Variants in TAF4B observed in about 807,000 individuals in gnomAD.
TAF4B encodes TATA-box binding protein associated factor 4b.
In TAF4B, 38 loss-of-function variants were observed where a neutral mutation model predicts 86.4. The ratio of observed to expected loss-of-function variants is 0.44; its 90% CI spans 0.34 to 0.58. The LOEUF is 0.58. Ranked by LOEUF, TAF4B falls within the 20% of genes least tolerant of loss-of-function variation. The pLI is 0.02. For synonymous variants in TAF4B, 388 were observed against 391.2 expected (o/e 0.99, Z 0.10); for missense variants, 988 against 1,027.6 (o/e 0.96, Z 0.53).
rs1224775371 is a variant in TAF4B at position 26,391,092 on chromosome 18, G to C, written c.*1080G>C. The stretch of plus-strand genomic sequence containing the variant: ...TTTTTAACAATAGGACTTTATGTTG[G>C]ATTCTGTACTTAAAAGGTACTGTCA... On this transcript the variant is annotated 3_prime_UTR_variant, in exon 15 of 15. Transcript: ENST00000269142. 1 of 151,910 alleles carries C rather than the reference G, an allele frequency of 6.6e-6. No homozygotes were observed. The highest frequency in any genetic ancestry group is 2.4e-5 in the African/African-American group (1 of 41,340). The allele number at this position is 151,910 out of a possible 1,614,324, so 9.4% of individuals were successfully genotyped here.
At chr18:26,312,725 C>A (rs145571970) in intron 9 of TAF4B, among the ~76,000 whole-genome samples, 52 of 152,180 alleles carry the variant, frequency 3.4e-4, no homozygotes, top group Non-Finnish European at 6.6e-4. Context: ...GTGTACCTGG[C>A]GCACATCTTA....
rs1226024028 is a variant in TAF4B at position 26,243,540 on chromosome 18, C to A, written c.343+16264C>A. ...TGGGTTCAAACATCCTCCTTTAGCT[C>A]AGAGAAGTGTGTTATTACTGGTCGT... On this transcript the variant is annotated intron_variant, in intron 1 of 14. Transcript: ENST00000269142. Among the ~76,000 whole-genome samples the A allele has an allele frequency of 3.9e-5, 6 of 152,284 alleles. No individual in the cohort carries two copies. The East Asian group carries it at 1.2e-3, about 29-fold the overall frequency.
At chr18:26,282,446 A>G (rs1450042822) in intron 6 of TAF4B, among the ~76,000 whole-genome samples, 5 of 152,260 alleles carry the variant, frequency 3.3e-5, no homozygotes, top group Admixed American at 6.5e-5. Context: ...ATACTTTATT[A>G]GGTATACAAT....
chr18:26,291,428 A>T (rs570328942), intron 7 of TAF4B, among the ~76,000 whole-genome samples: 179 of 151,990 alleles, frequency 1.2e-3, no homozygotes, highest in African/African-American at 4.1e-3. Context: ...CCCCGCTGGG[A>T]TTACGGCTGG....
chr18:26,307,842 G>A (rs1568143344), intron 9 of TAF4B, among the ~76,000 whole-genome samples: 3 of 152,138 alleles, frequency 2.0e-5, no homozygotes, highest in Non-Finnish European at 1.5e-5. Context: ...CCTTGTGTAT[G>A]CTCACGCTTG....
At chr18:26,295,242 T>C (rs1312488269) in intron 9 of TAF4B, 3 of 396,076 alleles carry the variant, frequency 7.6e-6, no homozygotes, top group East Asian at 1.6e-4. Flanking sequence ...CGGTCTTTTT[T>C]TCTGTCGTGT....
chr18:26,314,145 T>C (rs1658407107), intron 9 of TAF4B, among the ~76,000 whole-genome samples: 1 of 152,216 alleles, frequency 6.6e-6, no homozygotes, highest in Non-Finnish European at 1.5e-5. Flanking sequence ...AATTTGTAAT[T>C]TAAATCCTAT....
chr18:26,388,924 G>C (rs1978538222), intron 14 of TAF4B, among the ~76,000 whole-genome samples: 1 of 152,108 alleles, frequency 6.6e-6, no homozygotes, highest in Non-Finnish European at 1.5e-5. Flanking sequence ...CAATTCTCCT[G>C]CCTTAGCCTC....
chr18:26,292,803 A>AGG (rs2056609787), intron 8 of TAF4B, among the ~76,000 whole-genome samples: 1 of 152,228 alleles, frequency 6.6e-6, no homozygotes, highest in South Asian at 2.1e-4. Context: ...CTGGGATTAC[A>AGG]GGTGTGAGCC....
In TAF4B at chr18:26,244,953, C is replaced by A. The variant is rs533512308; in HGVS notation, c.343+17677C>A. Among the ~76,000 whole-genome samples, 5 of 152,236 alleles carry A rather than the reference C, an allele frequency of 3.3e-5. No individual in the cohort carries two copies. The South Asian group carries it at 1.0e-3, about 32-fold the overall frequency. ...GGGTCAACCAACTTTTTGTCGGGAC[C>A]CCAGAGCTGAATGTCTTTCCTCTCT... On this transcript the variant is annotated intron_variant, in intron 1 of 14. Coordinates refer to ENST00000269142, the MANE Select transcript of TAF4B (RefSeq NM_005640.3).
intron 1 of TAF4B, among the ~76,000 whole-genome samples, chr18:26,235,521 C>G (rs1399784262): frequency 6.6e-6 from 1 of 152,164 alleles, no homozygotes; most frequent in Non-Finnish European, 1.5e-5. Context: ...ATGAGGCTTC[C>G]AAACTGGTAT....
chr18:26,390,609 A>G lies in TAF4B; in HGVS notation c.*597A>G, dbSNP rs1432714960. 1.3e-5 allele frequency: 2 copies of G among 152,214 alleles called. No individual in the cohort carries two copies. The highest frequency in any genetic ancestry group is 1.5e-5 in the Non-Finnish European group (1 of 68,052). The allele number at this position is 152,214 out of a possible 1,614,324, so 9.4% of individuals were successfully genotyped here. A position where few individuals can be genotyped will look rare whatever the true frequency, so the allele number is the denominator to read the frequency against. On this transcript the variant is annotated 3_prime_UTR_variant, in exon 15 of 15. Coordinates refer to ENST00000269142, the MANE Select transcript of TAF4B (RefSeq NM_005640.3). ...TGCTAATTCTCTGCTTCATATCACC[A>G]TATGCCGTTTCTGGTACCAAGTGAG...
At chr18:26,306,396 T>G (rs2056795010) in intron 9 of TAF4B, among the ~76,000 whole-genome samples, 1 of 152,194 alleles carries the variant, frequency 6.6e-6, no homozygotes, top group Non-Finnish European at 1.5e-5. Flanking sequence ...ATATCTGCTG[T>G]CTTGAGGTAC....
chr18:26,366,182 G>A (rs2057370235), intron 14 of TAF4B: 1 of 152,146 alleles, frequency 6.6e-6, no homozygotes, highest in South Asian at 2.1e-4. Context: ...TCTTTGGATT[G>A]TAATATTTAG....
intron 1 of TAF4B, among the ~76,000 whole-genome samples, chr18:26,242,255 G>T (rs567876631): frequency 2.6e-5 from 4 of 152,300 alleles, no homozygotes; most frequent in African/African-American, 9.6e-5. Context: ...CTTGCTTTAT[G>T]AATCTGGGTG....
intron 9 of TAF4B, among the ~76,000 whole-genome samples, chr18:26,304,169 T>TTGA: frequency 7.5e-5 from 1 of 13,292 alleles, no homozygotes; most frequent in East Asian, 0.071. Context: ...AGGTCGACTG[T>TTGA]TTTTTTTTTT....
chr18:26,241,029 A>G (rs1177274376), intron 1 of TAF4B, among the ~76,000 whole-genome samples: 2 of 152,238 alleles, frequency 1.3e-5, no homozygotes, highest in Non-Finnish European at 2.9e-5. Flanking sequence ...CATCAGGGGT[A>G]TTGGTCTAAA....
At chr18:26,338,559 A>G (rs2057111879) in intron 13 of TAF4B, among the ~76,000 whole-genome samples, 1 of 142,410 alleles carries the variant, frequency 7.0e-6, no homozygotes, top group Admixed American at 7.2e-5. Context: ...GCTCACTGCA[A>G]CCTCTGCCTC....
intron 14 of TAF4B, chr18:26,366,393 G>A (rs2057371494): frequency 1.3e-5 from 2 of 152,128 alleles, no homozygotes; most frequent in Non-Finnish European, 2.9e-5. Context: ...TATATGTGCT[G>A]TCAAAGTGAG....
Sources: gnomAD v4.1 joint callset for allele counts (sites outside exome capture counted in the v4.1 genomes callset) on GRCh38, gnomAD v4.1.1 for gene constraint, MANE v1.5 for transcripts, NCBI Gene and HGNC (gene_info 2026-07-23, HGNC 2026-07-21) for gene names.